RORA: variants seen among roughly 807,000 people sequenced by gnomAD.
RORA encodes RAR related orphan receptor A.
RORA carries 7 observed loss-of-function variants against 69.5 expected under a neutral mutation model. The ratio of observed to expected loss-of-function variants is 0.10; its 90% CI spans 0.06 to 0.19. The LOEUF is 0.19. Ranked by LOEUF, RORA falls within the 10% of genes least tolerant of loss-of-function variation. RORA has a pLI of 1.00. For missense variants in RORA, 457 were observed against 663.0 expected (o/e 0.69, Z 3.41); for synonymous variants, 261 against 240.8 (o/e 1.08, Z -0.78).
chr15:60,497,387 G>C lies in RORA; in HGVS notation c.*68C>G. ...TGTGCAGGGCCATATAAAGTGTCTCGGTTAATTTTTTTGTTTGTTTTTCAT... is the reference window on the plus strand; with the variant it reads ...TGTGCAGGGCCATATAAAGTGTCTCCGTTAATTTTTTTGTTTGTTTTTCAT... On this transcript the variant is annotated 3_prime_UTR_variant, in exon 11 of 11. Transcript: ENST00000335670. 1.4e-6 allele frequency: 2 copies of C among 1,430,734 alleles called. No homozygotes were observed. The highest frequency in any genetic ancestry group is 1.2e-5 in the South Asian group (1 of 83,650). The allele number at this position is 1,430,734 out of a possible 1,614,324, so 88.6% of individuals were successfully genotyped here. A position where few individuals can be genotyped will look rare whatever the true frequency, so the allele number is the denominator to read the frequency against.
intron 1 of RORA, among the ~76,000 whole-genome samples, chr15:60,798,816 A>G (rs908025545): frequency 6.6e-6 from 1 of 152,176 alleles, no homozygotes; most frequent in Non-Finnish European, 1.5e-5. Context: ...TCTAAAAAGG[A>G]ATGATATATC....
intron 3 of RORA, among the ~76,000 whole-genome samples, chr15:60,519,387 G>A (rs963295396): frequency 1.3e-5 from 2 of 152,190 alleles, no homozygotes; most frequent in Non-Finnish European, 2.9e-5. Flanking sequence ...GCTTAGAGAG[G>A]TGTAGTGACT....
intron 1 of RORA, among the ~76,000 whole-genome samples, chr15:60,752,128 T>G (rs1025369346): frequency 6.6e-6 from 1 of 151,194 alleles, no homozygotes; most frequent in Non-Finnish European, 1.5e-5. Context: ...TGGGCTAGTA[T>G]GGGAAAGAAT....
chr15:61,221,467 A>G (rs1364146178), intron 1 of RORA, among the ~76,000 whole-genome samples: 3 of 152,158 alleles, frequency 2.0e-5, no homozygotes. Context: ...TATATTCTAT[A>G]ATTTTTATTC....
At chr15:60,622,909 T>G (rs2069456407) in intron 2 of RORA, among the ~76,000 whole-genome samples, 1 of 151,730 alleles carries the variant, frequency 6.6e-6, no homozygotes, top group Non-Finnish European at 1.5e-5. Context: ...AGAGATGGGG[T>G]TTCACCATAT....
At chr15:61,141,443 G>A (rs1339015418) in intron 1 of RORA, among the ~76,000 whole-genome samples, 1 of 152,120 alleles carries the variant, frequency 6.6e-6, no homozygotes, top group Non-Finnish European at 1.5e-5. Flanking sequence ...CACCCAGAGA[G>A]CAAAAGAAAA....
chr15:60,997,674 G>A (rs1916645), intron 1 of RORA, among the ~76,000 whole-genome samples: 10,405 of 152,030 alleles, frequency 0.068, 434 homozygotes, highest in Non-Finnish European at 0.1. Context: ...GATAGTTATG[G>A]CTTAAAAAAA....
intron 1 of RORA, among the ~76,000 whole-genome samples, chr15:60,956,744 C>T (rs970860799): frequency 2.0e-5 from 3 of 152,150 alleles, no homozygotes; most frequent in Non-Finnish European, 4.4e-5. Flanking sequence ...ATTACTGTTA[C>T]AATGATTACT....
At chr15:61,184,392 C>A (rs1269365139) in intron 1 of RORA, among the ~76,000 whole-genome samples, 1 of 152,138 alleles carries the variant, frequency 6.6e-6, no homozygotes, top group Non-Finnish European at 1.5e-5. Flanking sequence ...CCTCCCCAGA[C>A]ACCCCTCAAT....
chr15:60,953,645 A>T (rs1192659398), intron 1 of RORA, among the ~76,000 whole-genome samples: 1 of 141,736 alleles, frequency 7.1e-6, no homozygotes, highest in Non-Finnish European at 1.5e-5. Context: ...ATGAACAGAC[A>T]CTTCTCAAAA....
chr15:61,115,626 C>A (rs2079043842), intron 1 of RORA, among the ~76,000 whole-genome samples: 1 of 152,148 alleles, frequency 6.6e-6, no homozygotes, highest in African/African-American at 2.4e-5. Context: ...CGGAGAAGTA[C>A]CCTGGGAAGG....
In RORA at chr15:60,775,940, T is replaced by C. The variant is rs191327397; in HGVS notation, c.167-97254A>G. Among the ~76,000 whole-genome samples, 6 of 152,290 alleles carry C rather than the reference T, an allele frequency of 3.9e-5. No individual in the cohort carries two copies. The East Asian group carries it at 1.2e-3, about 29-fold the overall frequency. On this transcript the variant is annotated intron_variant, in intron 1 of 10. Transcript: ENST00000335670. Reference sequence around the variant, plus strand: ...CCTGGGGCTTCGACTCCTTCTACCCTTTGACTCCATCTCCTCCATCCCTAA... The same window carrying C: ...CCTGGGGCTTCGACTCCTTCTACCCCTTGACTCCATCTCCTCCATCCCTAA...
intron 1 of RORA, among the ~76,000 whole-genome samples, chr15:61,011,300 G>C (rs1224634203): frequency 6.6e-6 from 1 of 152,006 alleles, no homozygotes; most frequent in Non-Finnish European, 1.5e-5. Flanking sequence ...CTCTTCTATA[G>C]AACTGCTATT....
At chr15:60,507,079 C>T (rs1340246329) in intron 5 of RORA, among the ~76,000 whole-genome samples, 1 of 151,638 alleles carries the variant, frequency 6.6e-6, no homozygotes, top group South Asian at 2.1e-4. Flanking sequence ...GCAGGAGGAC[C>T]ACATAGAAGG....
intron 1 of RORA, among the ~76,000 whole-genome samples, chr15:61,059,272 A>C (rs1051453863): frequency 6.6e-6 from 1 of 152,226 alleles, no homozygotes; most frequent in African/African-American, 2.4e-5. Context: ...CAGTTGCTGT[A>C]ATAGAGTCAA....
chr15:60,674,832 C>A (rs887724306), intron 2 of RORA, among the ~76,000 whole-genome samples: 2 of 152,158 alleles, frequency 1.3e-5, no homozygotes, highest in African/African-American at 4.8e-5. Flanking sequence ...GTAACCTGCA[C>A]CTTTCAGAAG....
At chr15:61,021,810 G>A (rs1895540555) in intron 1 of RORA, among the ~76,000 whole-genome samples, 1 of 152,188 alleles carries the variant, frequency 6.6e-6, no homozygotes, top group South Asian at 2.1e-4. Flanking sequence ...ACTGTCCTAT[G>A]CAAACAGGGA....
intron 1 of RORA, among the ~76,000 whole-genome samples, chr15:60,903,142 A>C (rs754371263): frequency 3.3e-4 from 50 of 152,294 alleles, no homozygotes; most frequent in South Asian, 1.7e-3. Flanking sequence ...GGCATTCATC[A>C]AGCACCAACC....
intron 1 of RORA, among the ~76,000 whole-genome samples, chr15:61,036,667 G>A (rs1896473754): frequency 2.0e-5 from 3 of 151,934 alleles, no homozygotes; most frequent in Non-Finnish European, 2.9e-5. Flanking sequence ...TCATGTTACC[G>A]CTTCCAGGTC....
Sources: allele counts gnomAD v4.1 joint callset (sites outside exome capture counted in the v4.1 genomes callset), GRCh38; gene constraint gnomAD v4.1.1; transcripts MANE v1.5; gene names NCBI Gene and HGNC (gene_info 2026-07-23, HGNC 2026-07-21).